RB1: variants seen among roughly 807,000 people sequenced by gnomAD.
The protein encoded by RB1 is RB transcriptional corepressor 1, also known as retinoblastoma-associated protein.
A neutral mutation model predicts 135.4 loss-of-function variants in RB1; 18 were observed. That is an observed-to-expected ratio of 0.13 (90% CI 0.09 to 0.20). The LOEUF (loss-of-function observed/expected upper bound fraction) is 0.20. RB1 is among the 10% of genes least tolerant of loss of function. RB1 has a pLI of 1.00. For synonymous variants in RB1, 365 were observed against 373.2 expected (o/e 0.98, Z 0.25); for missense variants, 868 against 1,110.0 (o/e 0.78, Z 3.10).
rs558215349 is a variant in RB1, at chr13:48,351,973, C to T, written c.607+2950C>T. On this transcript the variant is annotated intron_variant, in intron 6 of 26. Transcript: ENST00000267163. ...ACAGGAATGAGCCACCACACCTGGC[C>T]TGGCCATCTTCAATCCATCTTGAGT... Among the ~76,000 whole-genome samples, 35 of 152,018 alleles carry T rather than the reference C, an allele frequency of 2.3e-4. 1 individual carries two copies. The South Asian group carries it at 7.1e-3, about 31-fold the overall frequency.
intron 2 of RB1, among the ~76,000 whole-genome samples, chr13:48,307,699 CAAA>C (rs11452683): frequency 2.3e-5 from 3 of 129,698 alleles, no homozygotes; most frequent in African/African-American, 5.8e-5. Context: ...TACTAAAATA[CAAA>C]AAAAAAAAAA....
chr13:48,305,530 G>A (rs1468484883), intron 1 of RB1, among the ~76,000 whole-genome samples: 1 of 152,166 alleles, frequency 6.6e-6, no homozygotes, highest in African/African-American at 2.4e-5. Flanking sequence ...AGCTTTGGAA[G>A]CATACTCTAA....
chr13:48,402,204 A>G (rs1219442241), intron 17 of RB1, among the ~76,000 whole-genome samples: 2 of 152,070 alleles, frequency 1.3e-5, no homozygotes, highest in Non-Finnish European at 2.9e-5. Flanking sequence ...TCTTTTTCAT[A>G]GGAATATCAG....
chr13:48,346,470 T>G (rs1382532285), intron 4 of RB1, among the ~76,000 whole-genome samples: 1 of 151,472 alleles, frequency 6.6e-6, no homozygotes, highest in African/African-American at 2.4e-5. Context: ...TCTTTAAACT[T>G]GTTTACAACC....
chr13:48,412,291 C>A, intron 17 of RB1: 3 of 1,613,736 alleles, frequency 1.9e-6, no homozygotes, highest in Non-Finnish European at 2.5e-6. Flanking sequence ...ACTTTGAGGA[C>A]GCAGATGAAA....
chr13:48,425,486 A>C (rs543746775), intron 17 of RB1, among the ~76,000 whole-genome samples: 2 of 152,160 alleles, frequency 1.3e-5, no homozygotes, highest in African/African-American at 2.4e-5. Context: ...GCTTTCAAAA[A>C]TTTTTCACCT....
intron 2 of RB1, chr13:48,317,708 C>T (rs1015955010): frequency 1.2e-5 from 6 of 519,618 alleles, no homozygotes; most frequent in Admixed American, 3.4e-5. Flanking sequence ...GCGGGAGCAG[C>T]GGGGAGCCCC....
At chr13:48,380,020 C>CT in intron 14 of RB1, 33 bp from the exon 15 acceptor site, 1 of 1,028,564 alleles carries the variant, frequency 9.7e-7, no homozygotes, top group Non-Finnish European at 1.3e-6. Flanking sequence ...AATTAAACAA[C>CT]TTCTTTTTTT....
intron 2 of RB1, among the ~76,000 whole-genome samples, chr13:48,329,813 A>T (rs1371832692): frequency 6.6e-6 from 1 of 152,310 alleles, no homozygotes; most frequent in Middle Eastern, 3.4e-3. Flanking sequence ...TGTCAGCAAG[A>T]TGGTGGAATA....
intron 2 of RB1, among the ~76,000 whole-genome samples, chr13:48,340,623 T>C (rs1350010237): frequency 2.6e-5 from 4 of 151,092 alleles, no homozygotes; most frequent in Non-Finnish European, 5.9e-5. Context: ...AAAGGACATA[T>C]ATTGAGAGCA....
At position 48,411,900 on chromosome 13, in the gene RB1, G is replaced by C. The variant is rs1566212016; in HGVS notation, c.1695+30457G>C. ...CCTTGAGAGATATGTTTTCCATGTG[G>C]CTTCTGGAAAATTTTCAAAGCAGGC... On this transcript the variant is annotated intron_variant, in intron 17 of 26. Transcript: ENST00000267163. 2 of 1,613,448 alleles carry C rather than the reference G, an allele frequency of 1.2e-6. No individual in the cohort carries two copies. The highest frequency in any genetic ancestry group is 1.7e-6 in the Non-Finnish European group (2 of 1,179,672).
intron 12 of RB1, among the ~76,000 whole-genome samples, chr13:48,373,995 C>A (rs1406936352): frequency 6.6e-6 from 1 of 152,084 alleles, no homozygotes; most frequent in African/African-American, 2.4e-5. Context: ...AAGTCTTATG[C>A]CACTCAATCT....
At chr13:48,318,818 GCT>G in intron 2 of RB1, 1 of 957,252 alleles carries the variant, frequency 1.0e-6, no homozygotes, top group African/African-American at 1.6e-5. Context: ...CCTGCGAGCA[GCT>G]CTCACCTCTG....
At chr13:48,306,603 A>T (rs1413401793) in intron 1 of RB1, among the ~76,000 whole-genome samples, 4 of 152,198 alleles carry the variant, frequency 2.6e-5, no homozygotes, top group Non-Finnish European at 4.4e-5. Context: ...TTTACAGATG[A>T]GAATACTTAT....
chr13:48,443,116 C>A (rs1214142584), intron 17 of RB1, among the ~76,000 whole-genome samples: 1 of 151,748 alleles, frequency 6.6e-6, no homozygotes, highest in Non-Finnish European at 1.5e-5. Context: ...ATTGATATAA[C>A]ATTACTATTC....
intron 17 of RB1, chr13:48,439,563 C>T (rs1949216267): frequency 6.6e-6 from 1 of 152,136 alleles, no homozygotes; most frequent in Admixed American, 6.6e-5. Context: ...AATTAATCCT[C>T]ATAAACTAAA....
intron 2 of RB1, chr13:48,317,071 T>C: frequency 1.3e-6 from 1 of 791,140 alleles, no homozygotes; most frequent in Non-Finnish European, 1.8e-6. Context: ...GCCTTGCTGC[T>C]TGGCCAGGGC....
chr13:48,387,282 A>C (rs1948578165), intron 17 of RB1, among the ~76,000 whole-genome samples: 1 of 152,186 alleles, frequency 6.6e-6, no homozygotes, highest in African/African-American at 2.4e-5. Flanking sequence ...TATTTATGTT[A>C]ACATAATGGG....
chr13:48,332,820 T>C (rs1271834405), intron 2 of RB1, among the ~76,000 whole-genome samples: 1 of 152,184 alleles, frequency 6.6e-6, no homozygotes, highest in Non-Finnish European at 1.5e-5. Context: ...CCTCAGTAGA[T>C]GCTTGAATCC....
Sources: gnomAD v4.1 joint callset for allele counts (sites outside exome capture counted in the v4.1 genomes callset) on GRCh38, gnomAD v4.1.1 for gene constraint, MANE v1.5 for transcripts, NCBI Gene and HGNC (gene_info 2026-07-23, HGNC 2026-07-21) for gene names.